STIMATE: variants seen among roughly 807,000 people sequenced by gnomAD.
The protein encoded by STIMATE is store-operated calcium entry regulator STIMATE.
Under a neutral mutation model 36.7 loss-of-function variants are expected in STIMATE, and 15 were observed. That is an observed-to-expected ratio of 0.41 (90% CI 0.27 to 0.63). STIMATE has a LOEUF of 0.63. Ranked by LOEUF, STIMATE falls within the 20% of genes least tolerant of loss-of-function variation. STIMATE has a pLI of 0.32. For missense variants in STIMATE, 305 were observed against 397.3 expected (o/e 0.77, Z 1.98); for synonymous variants, 163 against 162.3 (o/e 1.00, Z -0.03).
At chr3:52,878,873 G>T (rs532066405) in intron 1 of STIMATE, among the ~76,000 whole-genome samples, 1 of 152,164 alleles carries the variant, frequency 6.6e-6, no homozygotes, top group Non-Finnish European at 1.5e-5. Context: ...GAGTGGGTGG[G>T]ACTGCCAATA....
intron 1 of STIMATE, among the ~76,000 whole-genome samples, chr3:52,868,100 T>C (rs1232785200): frequency 5.9e-5 from 9 of 152,126 alleles, no homozygotes; most frequent in Non-Finnish European, 2.9e-5. Flanking sequence ...CCCTAAGTGA[T>C]AAACGAACAT....
chr3:52,849,942 C>G lies in STIMATE; in HGVS notation c.306-29G>C, dbSNP rs201531654. On this transcript the variant is annotated intron_variant, in intron 3 of 7. Transcript: ENST00000355083. The stretch of plus-strand genomic sequence containing the variant: ...TGAGGACAGGGCACATGCATGGTCA[C>G]GGCAGAAGCCACGGGGCCAGAGGTC... The G allele has an allele frequency of 6.9e-6, 11 of 1,603,776 alleles. No individual in the cohort carries two copies. The South Asian group carries it at 1.2e-4, about 18-fold the overall frequency.
At chr3:52,884,431 G>C (rs1489139556) in intron 1 of STIMATE, among the ~76,000 whole-genome samples, 1 of 151,844 alleles carries the variant, frequency 6.6e-6, no homozygotes, top group East Asian at 1.9e-4. Flanking sequence ...CTTTTAGTAG[G>C]GACAGGGTTT....
intron 1 of STIMATE, among the ~76,000 whole-genome samples, chr3:52,866,674 CG>C (rs1236540010): frequency 6.6e-6 from 1 of 152,184 alleles, no homozygotes; most frequent in Non-Finnish European, 1.5e-5. Context: ...ATGTGGAGGG[CG>C]GGGACCAGGC....
At position 52,888,693 on chromosome 3, in the gene STIMATE, GC is replaced by G. The variant is rs544908348; in HGVS notation, c.160+8597del. ...AGATGAGCTGAAGAGGCCTGGAAAA[GC>G]CCATGGACTAGACAAAAGCTTGGCA... is the stretch of plus-strand genomic sequence containing the variant. On this transcript the variant is annotated intron_variant, in intron 1 of 7. Transcript: ENST00000355083. Among the ~76,000 whole-genome samples, 20 of 152,324 alleles carry G rather than the reference GC, an allele frequency of 1.3e-4. No individual in the cohort carries two copies. The East Asian group carries it at 3.9e-3, about 29-fold the overall frequency.
intron 1 of STIMATE, among the ~76,000 whole-genome samples, chr3:52,866,295 G>T (rs1701309712): frequency 6.6e-6 from 1 of 152,276 alleles, no homozygotes; most frequent in Non-Finnish European, 1.5e-5. Flanking sequence ...TGAAGAGGCT[G>T]TCTCAGCACG....
At chr3:52,853,926 CTG>C in intron 2 of STIMATE, among the ~76,000 whole-genome samples, 1 of 152,328 alleles carries the variant, frequency 6.6e-6, no homozygotes, top group African/African-American at 2.4e-5. Flanking sequence ...GAAGAGCTGA[CTG>C]TATCCTTCCA....
intron 1 of STIMATE, among the ~76,000 whole-genome samples, chr3:52,887,400 G>C (rs949601087): frequency 7.2e-5 from 11 of 152,208 alleles, no homozygotes; most frequent in Admixed American, 7.2e-4. Context: ...CACAGGCAGA[G>C]GCCTATTCTG....
chr3:52,869,650 T>C (rs1050734308), intron 1 of STIMATE, among the ~76,000 whole-genome samples: 5 of 152,224 alleles, frequency 3.3e-5, no homozygotes, highest in African/African-American at 1.2e-4. Flanking sequence ...TAAGGAGGGA[T>C]ACAGAGACCT....
At position 52,838,004 on chromosome 3, in the gene STIMATE, GCACA is replaced by G. The variant is rs1700735309; in HGVS notation, c.*2486_*2489del. Reference sequence around the variant, plus strand: ...TGTACATGTGTGTGCACGTGCACGTGCACACACACACACAAACACACAAGAAAGG... The same window carrying G: ...TGTACATGTGTGTGCACGTGCACGTGCACACACACAAACACACAAGAAAGG... On this transcript the variant is annotated 3_prime_UTR_variant, in exon 8 of 8. Transcript: ENST00000355083. The G allele has an allele frequency of 1.5e-5, 2 of 129,576 alleles. No individual in the cohort carries two copies. Among genetic ancestry groups the G allele is most frequent in the South Asian group, 2.5e-4 (1 of 4,034 alleles). 8.0% of individuals were successfully genotyped at this position (129,576 alleles called of 1,614,324 possible).
intron 1 of STIMATE, among the ~76,000 whole-genome samples, chr3:52,892,567 G>A (rs938971460): frequency 6.6e-6 from 1 of 152,212 alleles, no homozygotes; most frequent in African/African-American, 2.4e-5. Flanking sequence ...AAAGACAGGC[G>A]CCTTCACTCG....
intron 1 of STIMATE, among the ~76,000 whole-genome samples, chr3:52,859,072 G>A (rs1701157356): frequency 6.6e-6 from 1 of 151,166 alleles, no homozygotes; most frequent in Admixed American, 6.6e-5. Context: ...AGAGGCAGGA[G>A]AATCACTTGA....
chr3:52,893,386 A>G (rs558543236), intron 1 of STIMATE, among the ~76,000 whole-genome samples: 1 of 152,078 alleles, frequency 6.6e-6, no homozygotes, highest in East Asian at 1.9e-4. Context: ...AAAAAAAAGC[A>G]TAAAGAGGTA....
chr3:52,840,737 T>C (rs56019197), intron 7 of STIMATE, 127 bp from the exon 8 acceptor site: 498,183 of 852,356 alleles, frequency 0.58, 151,453 homozygotes, highest in Non-Finnish European at 0.61. Flanking sequence ...TCTCACCCTG[T>C]CACCCAGGCT....
intron 1 of STIMATE, among the ~76,000 whole-genome samples, chr3:52,891,422 C>T (rs1010266354): frequency 2.6e-5 from 4 of 152,194 alleles, no homozygotes; most frequent in African/African-American, 7.2e-5. Context: ...CAGGGGCCAG[C>T]GCCACCACCT....
At chr3:52,864,710 C>A (rs1559494237) in intron 1 of STIMATE, among the ~76,000 whole-genome samples, 1 of 152,198 alleles carries the variant, frequency 6.6e-6, no homozygotes. Flanking sequence ...TCTTGAATGC[C>A]TTGCTGCTTA....
At chr3:52,873,904 T>C (rs1701453283) in intron 1 of STIMATE, among the ~76,000 whole-genome samples, 1 of 152,218 alleles carries the variant, frequency 6.6e-6, no homozygotes, top group Admixed American at 6.5e-5. Context: ...TCCAATTCCC[T>C]GGACAAATAA....
chr3:52,897,383 C>G lies in STIMATE; in HGVS notation c.68G>C (p.Gly23Ala). 3.3e-6 allele frequency: 5 copies of G among 1,515,420 alleles called. No individual in the cohort carries two copies. The highest frequency in any genetic ancestry group is 4.4e-6 in the Non-Finnish European group (5 of 1,138,166). The allele number at this position is 1,515,420 out of a possible 1,614,324, so 93.9% of individuals were successfully genotyped here. The change falls in exon 1 of 8, where the codon GGG (glycine) becomes GCG (alanine). Residue 23 changes from glycine to alanine, a missense_variant. By Grantham distance (60) the Gly-to-Ala change is moderately conservative. Coordinates refer to ENST00000355083, the MANE Select transcript of STIMATE (RefSeq NM_198563.5). ...PGGPPSTVAS[G>A]AGRCESGALM... ...CGCGCCGCTCTCGCAGCGGCCCGCC[C>G]CGGACGCGACTGTGGAGGGCGGCCC... is the stretch of plus-strand genomic sequence containing the variant.
At position 52,844,930 on chromosome 3, in the gene STIMATE, G is replaced by A; in HGVS notation, c.439C>T (p.Gln147Ter). The change falls in exon 5 of 8, where the codon CAG becomes TAG. Residue 147 changes from glutamine (Q) to a stop codon, truncating the protein, a stop_gained. Transcript: ENST00000355083. LOFTEE classifies it high-confidence loss of function. ...LRFGEYGDPL[Q>*]CGAWVGQCAL... ...CACTGCCCGACCCAGGCTCCACACT[G>A]CAGAGGGTCTCCTGCAGGGACAGGC... The A allele has an allele frequency of 6.2e-7, 1 of 1,613,832 alleles. No homozygotes were observed. Among genetic ancestry groups the A allele is most frequent in the Non-Finnish European group, 8.5e-7 (1 of 1,179,872 alleles).
Sources: allele counts gnomAD v4.1 joint callset (sites outside exome capture counted in the v4.1 genomes callset), GRCh38; gene constraint gnomAD v4.1.1; transcripts MANE v1.5; gene names NCBI Gene and HGNC (gene_info 2026-07-23, HGNC 2026-07-21).